Variants in TTLL5 observed in about 807,000 individuals in gnomAD.
TTLL5 encodes tubulin tyrosine ligase like 5, also known as tubulin polyglutamylase TTLL5.
TTLL5 carries 132 observed loss-of-function variants against 168.4 expected under a neutral mutation model. The observed-to-expected ratio is 0.78, with a 90% CI of 0.68 to 0.91. TTLL5 has a LOEUF of 0.91. Among genes scored for constraint, TTLL5 ranks in the 40% least tolerant of loss-of-function variants. The pLI is 0.00. For synonymous variants in TTLL5, 546 were observed against 558.6 expected, an observed-to-expected ratio of 0.98 and a Z score of 0.32; for missense variants, 1,545 against 1,581.5, an observed-to-expected ratio of 0.98 and a Z score of 0.39.
chr14:75,779,380 A>G (rs933061568), intron 23 of TTLL5, among the ~76,000 whole-genome samples, 195 bp from the exon 24 acceptor site: 1 of 146,222 alleles, frequency 6.8e-6, no homozygotes, highest in African/African-American at 2.5e-5. Flanking sequence ...CTGCGGGATG[A>G]ATAAAGCCTT....
chr14:75,758,020 C>T (rs543543446), intron 18 of TTLL5, among the ~76,000 whole-genome samples: 10 of 152,140 alleles, frequency 6.6e-5, no homozygotes, highest in African/African-American at 2.2e-4. Context: ...AGTGTTTTGT[C>T]GCCACTTTTT....
At chr14:75,935,906 AT>A (rs1465640658) in intron 31 of TTLL5, among the ~76,000 whole-genome samples, 2 of 152,154 alleles carry the variant, frequency 1.3e-5, no homozygotes, top group East Asian at 1.9e-4. Context: ...TTTTTTAATC[AT>A]GCCTAGATGA....
intron 12 of TTLL5, among the ~76,000 whole-genome samples, chr14:75,729,672 T>G (rs1393658214): frequency 1.3e-5 from 2 of 152,178 alleles, no homozygotes; most frequent in African/African-American, 4.8e-5. Context: ...TAAATGATAG[T>G]AGGTCCAAGC....
chr14:75,893,969 A>G (rs2032533517), intron 30 of TTLL5, among the ~76,000 whole-genome samples: 1 of 152,210 alleles, frequency 6.6e-6, no homozygotes, highest in Admixed American at 6.5e-5. Flanking sequence ...AAACAATGAA[A>G]TACAACAAAT....
Position 75,770,208 on chromosome 14 carries a change from AGT to A in TTLL5, c.2016-1523_2016-1522del, listed in dbSNP as rs1465187344. Among the ~76,000 whole-genome samples, 10 of 150,380 alleles carry A rather than the reference AGT, an allele frequency of 6.6e-5. No individual in the cohort carries two copies. The South Asian group carries it at 1.1e-3, about 16-fold the overall frequency. On this transcript the variant is annotated intron_variant, in intron 20 of 31. Coordinates refer to ENST00000298832, the MANE Select transcript of TTLL5 (RefSeq NM_015072.5). ...AAAAAAAAAAAAAAAAGAAAATATAAGTGTATTATTTCAAAACCATATTATGC... is the reference window on the plus strand; with the variant it reads ...AAAAAAAAAAAAAAAAGAAAATATAAGTATTATTTCAAAACCATATTATGC...
intron 30 of TTLL5, among the ~76,000 whole-genome samples, chr14:75,890,508 A>T (rs188336602): frequency 3.9e-5 from 6 of 152,324 alleles, no homozygotes; most frequent in Admixed American, 1.3e-4. Flanking sequence ...GTACAATTTT[A>T]AAAACTAGAT....
chr14:75,766,026 C>T, intron 19 of TTLL5, 36 bp from the exon 20 acceptor site: 1 of 1,564,654 alleles, frequency 6.4e-7, no homozygotes, highest in Non-Finnish European at 8.7e-7. Context: ...ACATTTAATC[C>T]TTTTTTCAGC....
chr14:75,814,060 T>G (rs916311476), intron 27 of TTLL5, among the ~76,000 whole-genome samples: 3 of 152,212 alleles, frequency 2.0e-5, no homozygotes, highest in African/African-American at 7.2e-5. Flanking sequence ...GCTCTAAAAT[T>G]TGAAACTTTT....
Position 75,752,770 on chromosome 14 carries a change from A to G in TTLL5, c.1488-123A>G, listed in dbSNP as rs1230483990. On this transcript the variant is annotated intron_variant, in intron 17 of 31. Transcript: ENST00000298832. ...TTTCCTTTGCCACTTTAGAAACAGT[A>G]TGTTTCATTAAAAACAGTATATAAG... The G allele has an allele frequency of 5.6e-5, 41 of 728,592 alleles. 1 individual carries two copies. The highest frequency in any genetic ancestry group is 2.5e-4 in the Middle Eastern group (1 of 4,002). 45.1% of individuals were successfully genotyped at this position (728,592 alleles called of 1,614,324 possible). A position where few individuals can be genotyped will look rare whatever the true frequency, so the allele number is the denominator to read the frequency against.
chr14:75,756,374 G>A (rs983110135), intron 18 of TTLL5, among the ~76,000 whole-genome samples: 2 of 152,110 alleles, frequency 1.3e-5, no homozygotes, highest in African/African-American at 4.8e-5. Context: ...AGTTATAAAA[G>A]GGCAACATAG....
At chr14:75,738,988 T>A (rs1889079465) in intron 15 of TTLL5, among the ~76,000 whole-genome samples, 1 of 151,956 alleles carries the variant, frequency 6.6e-6, no homozygotes. Context: ...GTATTTTTGG[T>A]AGAGATGAGG....
intron 3 of TTLL5, among the ~76,000 whole-genome samples, chr14:75,675,328 A>G (rs1455336877): frequency 6.6e-6 from 1 of 152,098 alleles, no homozygotes; most frequent in Admixed American, 6.5e-5. Context: ...TCTTTATCCT[A>G]TTTCCCATGC....
intron 30 of TTLL5, among the ~76,000 whole-genome samples, chr14:75,894,563 G>A (rs965898116): frequency 2.0e-5 from 3 of 151,944 alleles, no homozygotes; most frequent in African/African-American, 7.2e-5. Context: ...TCAAAAAAAA[G>A]CAAAAGAAAA....
chr14:75,685,363 G>A (rs958753721), intron 5 of TTLL5, among the ~76,000 whole-genome samples: 3 of 139,736 alleles, frequency 2.1e-5, no homozygotes, highest in East Asian at 2.1e-4. Flanking sequence ...GTAACACAGA[G>A]AGACTCTGTC....
At chr14:75,787,501 T>A (rs1471575558) in intron 26 of TTLL5, among the ~76,000 whole-genome samples, 2 of 152,246 alleles carry the variant, frequency 1.3e-5, no homozygotes, top group East Asian at 1.9e-4. Context: ...CCTCCAAATA[T>A]GTAACACAAA....
intron 30 of TTLL5, chr14:75,886,918 G>T: frequency 6.9e-7 from 1 of 1,443,120 alleles, no homozygotes; most frequent in South Asian, 1.5e-5. Context: ...CAGACTGAAT[G>T]AATTTGAAAG....
intron 30 of TTLL5, among the ~76,000 whole-genome samples, chr14:75,900,458 A>T (rs1187573627): frequency 1.3e-5 from 2 of 152,120 alleles, no homozygotes; most frequent in African/African-American, 4.8e-5. Flanking sequence ...GGTGCACCTC[A>T]TACCACTTTG....
chr14:75,871,750 C>T (rs1355117378), intron 29 of TTLL5, among the ~76,000 whole-genome samples: 1 of 152,178 alleles, frequency 6.6e-6, no homozygotes, highest in Non-Finnish European at 1.5e-5. Flanking sequence ...AGACTTCAAT[C>T]CATCCATCTG....
At chr14:75,821,868 TCTTTTTA>T (rs1172915249) in intron 28 of TTLL5, among the ~76,000 whole-genome samples, 2 of 152,192 alleles carry the variant, frequency 1.3e-5, no homozygotes, top group Non-Finnish European at 2.9e-5. Flanking sequence ...CTTTTCCTTT[TCTTTTTA>T]CCCACAGCAG....
Sources: allele counts gnomAD v4.1 joint callset (sites outside exome capture counted in the v4.1 genomes callset), GRCh38; gene constraint gnomAD v4.1.1; transcripts MANE v1.5; gene names NCBI Gene and HGNC (gene_info 2026-07-23, HGNC 2026-07-21).